Variants in GSK3B observed in about 807,000 individuals in gnomAD.
GSK3B encodes glycogen synthase kinase-3 beta.
In GSK3B, 15 loss-of-function variants were observed where a neutral mutation model predicts 56.4. The ratio of observed to expected loss-of-function variants is 0.27; its 90% CI spans 0.18 to 0.41. The LOEUF (loss-of-function observed/expected upper bound fraction) is 0.41, where lower values mean the gene tolerates loss of function less well. Ranked by LOEUF, GSK3B falls within the 10% of genes least tolerant of loss-of-function variation. GSK3B has a pLI of 1.00. For synonymous variants in GSK3B, 181 were observed against 188.9 expected, an observed-to-expected ratio of 0.96 and a Z score of 0.34; for missense variants, 300 against 513.4, an observed-to-expected ratio of 0.58 and a Z score of 4.02.
At chr3:120,012,572 A>G (rs2057787946) in intron 1 of GSK3B, among the ~76,000 whole-genome samples, 2 of 152,376 alleles carry the variant, frequency 1.3e-5, no homozygotes, top group Middle Eastern at 6.8e-3. Context: ...CTTTACCATA[A>G]TAGATAAATC....
At chr3:120,056,237 A>T (rs2058190081) in intron 1 of GSK3B, among the ~76,000 whole-genome samples, 2 of 152,214 alleles carry the variant, frequency 1.3e-5, no homozygotes. Context: ...TATTTTTTAA[A>T]TGTCTCTTTT....
At chr3:120,085,559 C>A (rs1016716276) in intron 1 of GSK3B, among the ~76,000 whole-genome samples, 1 of 152,172 alleles carries the variant, frequency 6.6e-6, no homozygotes, top group African/African-American at 2.4e-5. Context: ...CTGTACTTTG[C>A]GAGGCTGAGG....
At chr3:120,010,526 T>G (rs972517949) in intron 1 of GSK3B, among the ~76,000 whole-genome samples, 2 of 152,204 alleles carry the variant, frequency 1.3e-5, no homozygotes, top group African/African-American at 4.8e-5. Flanking sequence ...CTTCCCTATG[T>G]TATCCAAGTC....
chr3:120,049,588 C>T (rs1175464159), intron 1 of GSK3B, among the ~76,000 whole-genome samples: 1 of 151,964 alleles, frequency 6.6e-6, no homozygotes, highest in East Asian at 1.9e-4. Context: ...GAAGACAAAC[C>T]CAGAAAGGTA....
chr3:119,852,785 G>A (rs2055956736), intron 9 of GSK3B, among the ~76,000 whole-genome samples: 1 of 152,108 alleles, frequency 6.6e-6, no homozygotes, highest in African/African-American at 2.4e-5. Context: ...ATTTTTTCTT[G>A]TAAATTTGTT....
intron 1 of GSK3B, among the ~76,000 whole-genome samples, chr3:120,063,957 A>G (rs1364186201): frequency 6.6e-6 from 1 of 152,138 alleles, no homozygotes; most frequent in Non-Finnish European, 1.5e-5. Flanking sequence ...ACTGCACTCC[A>G]GCCTGGGCAA....
intron 1 of GSK3B, among the ~76,000 whole-genome samples, chr3:120,050,726 GT>G (rs1029371202): frequency 6.6e-6 from 1 of 152,196 alleles, no homozygotes; most frequent in African/African-American, 2.4e-5. Flanking sequence ...AACATGTTCA[GT>G]TTAAAGTAGC....
intron 2 of GSK3B, among the ~76,000 whole-genome samples, chr3:119,978,237 C>T (rs918264055): frequency 6.6e-6 from 1 of 152,092 alleles, no homozygotes; most frequent in African/African-American, 2.4e-5. Context: ...TCAAAATAAA[C>T]CCCTCTCTGG....
At chr3:119,939,812 T>A (rs951945007) in intron 3 of GSK3B, among the ~76,000 whole-genome samples, 6 of 152,180 alleles carry the variant, frequency 3.9e-5, no homozygotes, top group Non-Finnish European at 8.8e-5. Context: ...TCTAACATGC[T>A]AAATGTTGAC....
At chr3:119,900,759 G>A (rs897599736) in intron 7 of GSK3B, among the ~76,000 whole-genome samples, 8 of 151,920 alleles carry the variant, frequency 5.3e-5, no homozygotes, top group Non-Finnish European at 8.8e-5. Flanking sequence ...ATCATGCAGT[G>A]GAATCTATGT....
chr3:119,889,999 T>C (rs2056484116), intron 7 of GSK3B, among the ~76,000 whole-genome samples: 1 of 152,136 alleles, frequency 6.6e-6, no homozygotes, highest in African/African-American at 2.4e-5. Flanking sequence ...TTATTGAGAA[T>C]ACCATGTGTT....
chr3:119,956,760 A>G (rs1215567411), intron 2 of GSK3B, among the ~76,000 whole-genome samples: 1 of 152,202 alleles, frequency 6.6e-6, no homozygotes, highest in Non-Finnish European at 1.5e-5. Flanking sequence ...GAATATCATC[A>G]TTTAAGCAGA....
intron 1 of GSK3B, among the ~76,000 whole-genome samples, chr3:120,090,671 A>T (rs535254754): frequency 6.6e-6 from 1 of 152,134 alleles, no homozygotes; most frequent in South Asian, 2.1e-4. Context: ...TTCCCTCATG[A>T]TTCACAACAT....
intron 1 of GSK3B, among the ~76,000 whole-genome samples, chr3:120,034,994 A>T (rs182730113): frequency 1.5e-3 from 227 of 152,174 alleles, no homozygotes; most frequent in South Asian, 0.012. Flanking sequence ...TCGGGTGGCT[A>T]AGGTGGAAGA....
At chr3:120,035,087 C>T (rs755264662) in intron 1 of GSK3B, among the ~76,000 whole-genome samples, 3 of 151,382 alleles carry the variant, frequency 2.0e-5, no homozygotes, top group Non-Finnish European at 4.4e-5. Context: ...AGTGAGACTC[C>T]ATCTCAAAAA....
intron 7 of GSK3B, among the ~76,000 whole-genome samples, chr3:119,899,554 G>A (rs1440160653): frequency 1.3e-5 from 2 of 152,144 alleles, no homozygotes; most frequent in African/African-American, 4.8e-5. Flanking sequence ...TGAGGAGCCA[G>A]GGATCCACTG....
intron 1 of GSK3B, among the ~76,000 whole-genome samples, chr3:120,049,315 G>A (rs2058128117): frequency 1.3e-5 from 2 of 152,196 alleles, no homozygotes; most frequent in African/African-American, 4.8e-5. Flanking sequence ...TGTGGCTCCA[G>A]GCCTGGCCTG....
intron 2 of GSK3B, among the ~76,000 whole-genome samples, chr3:119,981,097 C>T (rs745827034): frequency 2.2e-4 from 34 of 152,196 alleles, no homozygotes; most frequent in Non-Finnish European, 4.0e-4. Flanking sequence ...ACCTACGACA[C>T]GTGGAGTTAA....
intron 1 of GSK3B, among the ~76,000 whole-genome samples, chr3:120,027,772 AAC>A (rs1441884799): frequency 2.6e-5 from 4 of 152,224 alleles, no homozygotes; most frequent in South Asian, 2.1e-4. Flanking sequence ...CCAAAAAGTA[AAC>A]AGTTTTCTCT....
Sources: allele counts gnomAD v4.1 joint callset (sites outside exome capture counted in the v4.1 genomes callset), GRCh38; gene constraint gnomAD v4.1.1; transcripts MANE v1.5; gene names NCBI Gene and HGNC (gene_info 2026-07-23, HGNC 2026-07-21).